SLC7A9: variants seen among roughly 807,000 people sequenced by gnomAD.
SLC7A9 encodes solute carrier family 7 member 9.
Under a neutral mutation model 54.1 loss-of-function variants are expected in SLC7A9, and 38 were observed. That is an observed-to-expected ratio of 0.70 (90% CI 0.54 to 0.92). SLC7A9 has a LOEUF of 0.92. Among genes scored for constraint, SLC7A9 ranks in the 40% least tolerant of loss-of-function variants. SLC7A9 has a pLI of 0.00. For synonymous variants in SLC7A9, 264 were observed against 258.9 expected (o/e 1.02, Z -0.19); for missense variants, 537 against 636.1 (o/e 0.84, Z 1.68).
Position 32,868,509 on chromosome 19 carries a change from C to T in SLC7A9, c.26G>A (p.Arg9Gln), listed in dbSNP as rs200753692. Residue 9 changes from arginine to glutamine, a missense_variant, in exon 2 of 13, where the codon CGG becomes CAG. Transcript: ENST00000023064. MGDTGLRK[R>Q]REDEKSIQSQ... ...CTGGATCGACTTCTCATCCTCTCTC[C>T]GCTTTCTCAGGCCAGTATCCCCCAT... The T allele has an allele frequency of 2.4e-5, 38 of 1,614,078 alleles. No homozygotes were observed. Among genetic ancestry groups the T allele is most frequent in the South Asian group, 2.2e-5 (2 of 91,076 alleles).
At chr19:32,858,370 G>T in intron 9 of SLC7A9, 70 bp downstream of exon 9, 1 of 1,076,742 alleles carries the variant, frequency 9.3e-7, no homozygotes, top group Non-Finnish European at 1.4e-6. Context: ...TTAGCTGTGT[G>T]TCTTCCTCGG....
intron 9 of SLC7A9, among the ~76,000 whole-genome samples, chr19:32,849,184 C>T (rs1968388445): frequency 6.6e-6 from 1 of 151,932 alleles, no homozygotes; most frequent in African/African-American, 2.4e-5. Flanking sequence ...TAACTAAAAC[C>T]AGAGCAGAAC....
chr19:32,846,620 G>C (rs1968304376), intron 9 of SLC7A9, among the ~76,000 whole-genome samples: 1 of 152,238 alleles, frequency 6.6e-6, no homozygotes, highest in Non-Finnish European at 1.5e-5. Context: ...AAAGACAGCA[G>C]TAACCTCTGC....
intron 9 of SLC7A9, among the ~76,000 whole-genome samples, chr19:32,847,183 A>G (rs11666739): frequency 0.11 from 17,264 of 152,292 alleles, 1,100 homozygotes; most frequent in Middle Eastern, 0.16. Context: ...AAAGCTGGAC[A>G]GAGAATGACT....
intron 10 of SLC7A9, 44 bp downstream of exon 10, chr19:32,843,811 T>C (rs754059696): frequency 3.4e-6 from 5 of 1,455,052 alleles, no homozygotes; most frequent in Non-Finnish European, 3.9e-6. Context: ...ATGGATGGAG[T>C]GTCCCCGCCT....
intron 9 of SLC7A9, among the ~76,000 whole-genome samples, chr19:32,857,285 A>T (rs111292405): frequency 0.013 from 1,987 of 152,102 alleles, 46 homozygotes; most frequent in African/African-American, 0.042. Flanking sequence ...CTTGACTAAG[A>T]ATACAAAAGT....
chr19:32,864,821 C>T (rs1968919468), intron 2 of SLC7A9, 45 bp from the exon 3 acceptor site: 6 of 1,613,376 alleles, frequency 3.7e-6, no homozygotes, highest in South Asian at 1.1e-5. Flanking sequence ...ACGCCCGGAC[C>T]CAGCCCAGAA....
chr19:32,834,489 G>A (rs1967897955), intron 11 of SLC7A9, among the ~76,000 whole-genome samples: 1 of 151,996 alleles, frequency 6.6e-6, no homozygotes, highest in African/African-American at 2.4e-5. Flanking sequence ...AATTAGCCGG[G>A]CGTGATGGCA....
chr19:32,862,135 G>A lies in SLC7A9; in HGVS notation c.687C>T (p.Leu229=), dbSNP rs1007161. 515,978 of 1,604,840 alleles carry A rather than the reference G, an allele frequency of 0.32. 85,505 individuals are homozygous for A. Among genetic ancestry groups the A allele is most frequent in the Middle Eastern group, 0.34 (1,998 of 5,814 alleles). ...GAISLAFYNG[L]WAYDGWNQLN... ...CACCTCACCATCCATCATAGGCCCA[G>A]AGTCCATTGTAAAACGCCAGGCTGA... The change falls in exon 6 of 13, where the codon CTC becomes CTT. Residue 229 remains leucine, a synonymous_variant. Coordinates refer to ENST00000023064, the MANE Select transcript of SLC7A9 (RefSeq NM_014270.5).
intron 9 of SLC7A9, among the ~76,000 whole-genome samples, chr19:32,854,964 A>G (rs1020797330): frequency 3.3e-5 from 5 of 152,184 alleles, no homozygotes; most frequent in Non-Finnish European, 7.3e-5. Context: ...ATATATTTGA[A>G]TGAATTGAAA....
intron 2 of SLC7A9, among the ~76,000 whole-genome samples, chr19:32,866,412 A>G (rs12976336): frequency 0.65 from 98,479 of 152,022 alleles, 32,433 homozygotes; most frequent in East Asian, 0.86. Context: ...CTGACTGAGG[A>G]GTAGACCCAG....
chr19:32,839,109 GT>G (rs1968056322), intron 11 of SLC7A9, among the ~76,000 whole-genome samples: 1 of 152,102 alleles, frequency 6.6e-6, no homozygotes, highest in Non-Finnish European at 1.5e-5. Flanking sequence ...TCTCGTCCAT[GT>G]TTTTGTATGA....
chr19:32,868,482 C>G lies in SLC7A9; in HGVS notation c.53G>C (p.Ser18Thr). The G allele has an allele frequency of 6.2e-7, 1 of 1,614,114 alleles. No homozygotes were observed. The highest frequency in any genetic ancestry group is 2.2e-5 in the East Asian group (1 of 44,860). Residue 18 changes from serine to threonine, a missense_variant, in exon 2 of 13, where the codon AGC (serine) becomes ACC (threonine). Transcript: ENST00000023064. ...GAGACTGGTGGTCTTAGGCTCTTGG[C>G]TCTGGATCGACTTCTCATCCTCTCT... is the stretch of plus-strand genomic sequence containing the variant. Reference protein sequence around the residue: ...KRREDEKSIQSQEPKTTSLQK... With the variant: ...KRREDEKSIQTQEPKTTSLQK...
At chr19:32,857,022 G>T (rs924457952) in intron 9 of SLC7A9, among the ~76,000 whole-genome samples, 36 of 152,152 alleles carry the variant, frequency 2.4e-4, no homozygotes, top group African/African-American at 8.2e-4. Flanking sequence ...ATGATGGCAG[G>T]TGCCTGTAAT....
At chr19:32,862,430 C>T in intron 5 of SLC7A9, 31 bp downstream of exon 5, 1 of 1,611,906 alleles carries the variant, frequency 6.2e-7, no homozygotes, top group Non-Finnish European at 8.5e-7. Context: ...TTGGTGTGTG[C>T]CCGTGCAGGG....
In SLC7A9 at chr19:32,849,885, A is replaced by G. The variant is rs890473680; in HGVS notation, c.978-5934T>C. ...TGCAAGGCTGGTTCAACATTCGCAAATCAATAAATGTAATCCAGCATATAA... is the reference window on the plus strand; with the variant it reads ...TGCAAGGCTGGTTCAACATTCGCAAGTCAATAAATGTAATCCAGCATATAA... On this transcript the variant is annotated intron_variant, in intron 9 of 12. Transcript: ENST00000023064. 1.9e-4 allele frequency among the ~76,000 whole-genome samples: 29 copies of G among 152,134 alleles called. 1 individual carries two copies. In the Middle Eastern group the frequency reaches 0.014, roughly 71 times the overall value.
chr19:32,833,330 A>G lies in SLC7A9; in HGVS notation c.1225-7T>C, dbSNP rs767216278. 6.2e-7 allele frequency: 1 copy of G among 1,614,142 alleles called. No homozygotes were observed. The highest frequency in any genetic ancestry group is 2.2e-5 in the East Asian group (1 of 44,880). ...CGGGAATGACTACGGGCACCTGGAG[A>G]CGAAAAACAGGTCATGGGTACCCAT... On this transcript the variant is annotated splice_polypyrimidine_tract_variant and splice_region_variant and intron_variant, in intron 11 of 12. Coordinates refer to ENST00000023064, the MANE Select transcript of SLC7A9 (RefSeq NM_014270.5).
chr19:32,861,748 A>G (rs12979811), intron 6 of SLC7A9, among the ~76,000 whole-genome samples: 49,981 of 151,826 alleles, frequency 0.33, 8,375 homozygotes, highest in Middle Eastern at 0.41. Flanking sequence ...CCAGGAGCTC[A>G]AGGCTGCAGT....
intron 9 of SLC7A9, among the ~76,000 whole-genome samples, chr19:32,856,768 A>C (rs1032655314): frequency 1.3e-5 from 2 of 152,108 alleles, no homozygotes; most frequent in Non-Finnish European, 2.9e-5. Flanking sequence ...GTAGAGACGG[A>C]GTCTCACCAT....
Sources: gnomAD v4.1 joint callset for allele counts (sites outside exome capture counted in the v4.1 genomes callset) on GRCh38, gnomAD v4.1.1 for gene constraint, MANE v1.5 for transcripts, NCBI Gene and HGNC (gene_info 2026-07-23, HGNC 2026-07-21) for gene names.